GOLGA4: variants seen among roughly 807,000 people sequenced by gnomAD.
GOLGA4 encodes the protein golgin subfamily A member 4.
A neutral mutation model predicts 265.9 loss-of-function variants in GOLGA4; 169 were observed. That is an observed-to-expected ratio of 0.64 (90% CI 0.56 to 0.72). The LOEUF (loss-of-function observed/expected upper bound fraction) is 0.72, where lower values mean the gene tolerates loss of function less well. Among genes scored for constraint, GOLGA4 ranks in the 30% least tolerant of loss-of-function variants. The probability of loss-of-function intolerance (pLI) is 0.00; values close to 1 mark genes in which losing one functional copy is unlikely to be tolerated. For synonymous variants in GOLGA4, 923 were observed against 855.8 expected (o/e 1.08, Z -1.37); for missense variants, 2,482 against 2,483.4 (o/e 1.00, Z 0.01).
chr3:37,321,942 T>C, intron 13 of GOLGA4, 56 bp downstream of exon 13: 1 of 1,424,324 alleles, frequency 7.0e-7, no homozygotes, highest in Non-Finnish European at 9.6e-7. Flanking sequence ...CATATGAAAA[T>C]TTGTTGTCTC....
At position 37,327,659 on chromosome 3, in the gene GOLGA4, C is replaced by T. The variant is rs777387272; in HGVS notation, c.5773C>T (p.His1925Tyr). 1 of 1,613,886 alleles carries T rather than the reference C, an allele frequency of 6.2e-7. No homozygotes were observed. Among genetic ancestry groups the T allele is most frequent in the Non-Finnish European group, 8.5e-7 (1 of 1,179,826 alleles). The change falls in exon 14 of 24, where the codon CAC (histidine) becomes TAC (tyrosine). Residue 1925 changes from histidine (H) to tyrosine (Y), a missense_variant. This residue lies in a region of GOLGA4 where 942 missense variants were observed against 983.1 expected (regional missense o/e 0.96). Transcript: ENST00000361924. ...PKLLSNMEAQ[H>Y]NDLEFKLAGA... ...ATTGCTTAGTAACATGGAAGCCCAGCACAATGATCTGGAGTTTAAATTAGC... is the reference window on the plus strand; with the variant it reads ...ATTGCTTAGTAACATGGAAGCCCAGTACAATGATCTGGAGTTTAAATTAGC...
intron 23 of GOLGA4, among the ~76,000 whole-genome samples, chr3:37,363,071 T>C (rs1452436379): frequency 1.3e-5 from 2 of 152,140 alleles, no homozygotes; most frequent in African/African-American, 2.4e-5. Context: ...CGTGAGCCAC[T>C]GTGCCTGGCC....
At position 37,325,606 on chromosome 3, in the gene GOLGA4, T is replaced by C; in HGVS notation, c.3720T>C (p.Ser1240=). ...CAAATGAGCTAATCAACATTAGTAG[T>C]AGTAAAACTAATGCCATTCTTTCTA... is the stretch of plus-strand genomic sequence containing the variant. ...AKTNELINIS[S]SKTNAILSRI... The change falls in exon 14 of 24, where the codon AGT becomes AGC. Residue 1240 remains serine (S), a synonymous_variant. Transcript: ENST00000361924. 6.2e-7 allele frequency: 1 copy of C among 1,613,162 alleles called. No homozygotes were observed. Among genetic ancestry groups the C allele is most frequent in the Non-Finnish European group, 8.5e-7 (1 of 1,179,134 alleles).
chr3:37,333,987 G>C (rs2150994853), intron 16 of GOLGA4, among the ~76,000 whole-genome samples: 1 of 152,268 alleles, frequency 6.6e-6, no homozygotes, highest in Middle Eastern at 3.4e-3. Flanking sequence ...TCAGATACCT[G>C]TTTGTGGTTA....
At chr3:37,362,907 T>C (rs189971892) in intron 23 of GOLGA4, among the ~76,000 whole-genome samples, 89 of 150,642 alleles carry the variant, frequency 5.9e-4, no homozygotes, top group Admixed American at 1.3e-3. Flanking sequence ...CTCAGCCTCC[T>C]GAGTAGCTGG....
At chr3:37,275,263 A>C (rs921941993) in intron 2 of GOLGA4, among the ~76,000 whole-genome samples, 1 of 151,332 alleles carries the variant, frequency 6.6e-6, no homozygotes, top group African/African-American at 2.4e-5. Flanking sequence ...CCCCAAAAAA[A>C]CAAATGTTTA....
In GOLGA4 at chr3:37,324,106, T is replaced by C; in HGVS notation, c.2220T>C (p.Ile740=). ...ACCAGCAGCAAGTTGACAGTATCAT[T>C]AAAGAACACGAGGTATCTATCCAGA... The part of the protein sequence containing the change: ...NHHQQQVDSI[I]KEHEVSIQRT... The change falls in exon 14 of 24, where the codon ATT becomes ATC. Residue 740 remains isoleucine (I), a synonymous_variant. Coordinates refer to ENST00000361924, the MANE Select transcript of GOLGA4 (RefSeq NM_002078.5). 6.2e-7 allele frequency: 1 copy of C among 1,614,112 alleles called. No homozygotes were observed. The highest frequency in any genetic ancestry group is 8.5e-7 in the Non-Finnish European group (1 of 1,180,014).
intron 22 of GOLGA4, among the ~76,000 whole-genome samples, chr3:37,358,678 A>G (rs1234418064): frequency 6.6e-6 from 1 of 152,154 alleles, no homozygotes; most frequent in African/African-American, 2.4e-5. Flanking sequence ...GCCTCCTTTT[A>G]GCAATGTGTA....
chr3:37,320,192 A>G (rs540003255), intron 12 of GOLGA4: 1 of 152,184 alleles, frequency 6.6e-6, no homozygotes, highest in Admixed American at 6.6e-5. Context: ...TTAAAATAGC[A>G]TAATTTGAAA....
At chr3:37,263,107 C>T (rs560712321) in intron 2 of GOLGA4, among the ~76,000 whole-genome samples, 48 of 152,268 alleles carry the variant, frequency 3.2e-4, no homozygotes, top group African/African-American at 1.1e-3. Context: ...TTCTTTTATT[C>T]TGTAGTTTTA....
At chr3:37,365,869 G>A (rs1459317878) in intron 23 of GOLGA4, among the ~76,000 whole-genome samples, 1 of 150,594 alleles carries the variant, frequency 6.6e-6, no homozygotes, top group Non-Finnish European at 1.5e-5. Context: ...CTGGCCTCAA[G>A]TGATTCTCCC....
Position 37,281,963 on chromosome 3 carries a change from T to C in GOLGA4, c.168T>C (p.Gly56=). 6.2e-7 allele frequency: 1 copy of C among 1,610,540 alleles called. No individual in the cohort carries two copies. The highest frequency in any genetic ancestry group is 1.3e-5 in the African/African-American group (1 of 74,892). The change falls in exon 3 of 24, where the codon GGT becomes GGC. Residue 56 remains glycine (G), a synonymous_variant. Coordinates refer to ENST00000361924, the MANE Select transcript of GOLGA4 (RefSeq NM_002078.5). ...CTGTTGGGTTTTGGTTGCAGTCAGG[T>C]GACACACAGTCTTTTGCACAGAAGC... The part of the protein sequence containing the change: ...LDEGTPNRES[G]DTQSFAQKLQ...
At chr3:37,265,583 T>C (rs565616648) in intron 2 of GOLGA4, among the ~76,000 whole-genome samples, 1 of 152,306 alleles carries the variant, frequency 6.6e-6, no homozygotes, top group East Asian at 1.9e-4. Context: ...TAAAAAGCTG[T>C]ACATACTTAA....
chr3:37,314,533 T>A (rs2096931712), intron 10 of GOLGA4, among the ~76,000 whole-genome samples: 1 of 151,704 alleles, frequency 6.6e-6, no homozygotes, highest in Non-Finnish European at 1.5e-5. Flanking sequence ...CCCAGCTACT[T>A]GGGAGGCTGA....
At chr3:37,343,332 G>A (rs956906363) in intron 20 of GOLGA4, among the ~76,000 whole-genome samples, 1 of 152,164 alleles carries the variant, frequency 6.6e-6, no homozygotes, top group Non-Finnish European at 1.5e-5. Flanking sequence ...TGTTGGTCAG[G>A]CTGGTCTCAA....
intron 2 of GOLGA4, among the ~76,000 whole-genome samples, chr3:37,274,099 CAAAAA>C (rs34797146): frequency 9.8e-6 from 1 of 101,990 alleles, no homozygotes. Context: ...GGCTCTGTCT[CAAAAA>C]AAAAAAAAAA....
intron 2 of GOLGA4, chr3:37,273,438 G>T: frequency 1.5e-6 from 1 of 659,516 alleles, no homozygotes; most frequent in Non-Finnish European, 2.7e-6. Context: ...ATAGATAAAT[G>T]TATCTGATAG....
chr3:37,299,346 T>TA lies in GOLGA4; in HGVS notation c.1063dup (p.Ile355AsnfsTer2). ...ACTCAGTTGCGTGATGCAAAGAACT[T>TA]AATTGAACAGCTTGAACAAGATAAG... is the stretch of plus-strand genomic sequence containing the variant. On this transcript the variant is annotated frameshift_variant, in exon 9 of 24. Coordinates refer to ENST00000361924, the MANE Select transcript of GOLGA4 (RefSeq NM_002078.5). LOFTEE classifies it high-confidence loss of function. 1 of 1,612,376 alleles carries TA rather than the reference T, an allele frequency of 6.2e-7. No individual in the cohort carries two copies. Among genetic ancestry groups the TA allele is most frequent in the Non-Finnish European group, 8.5e-7 (1 of 1,178,504 alleles).
At chr3:37,309,740 C>T (rs2096918013) in intron 10 of GOLGA4, among the ~76,000 whole-genome samples, 1 of 152,202 alleles carries the variant, frequency 6.6e-6, no homozygotes, top group Non-Finnish European at 1.5e-5. Context: ...GCTGGATTTT[C>T]ATGCCTGTTT....
Sources: gnomAD v4.1 joint callset for allele counts (sites outside exome capture counted in the v4.1 genomes callset) on GRCh38, gnomAD v4.1.1 for gene constraint, gnomAD v4.1.1 regional missense constraint, MANE v1.5 for transcripts, NCBI Gene and HGNC (gene_info 2026-07-23, HGNC 2026-07-21) for gene names.